Variants in CNTNAP4 observed in about 807,000 individuals in gnomAD.
CNTNAP4 encodes contactin-associated protein-like 4.
A neutral mutation model predicts 148.4 loss-of-function variants in CNTNAP4; 98 were observed. The ratio of observed to expected loss-of-function variants is 0.66; its 90% confidence interval spans 0.56 to 0.78. CNTNAP4 has a LOEUF of 0.78. Ranked by LOEUF, CNTNAP4 falls within the 30% of genes least tolerant of loss-of-function variation. The pLI is 0.00. For missense variants in CNTNAP4, 1,935 were observed against 1,565.6 expected, an observed-to-expected ratio of 1.24 and a Z score of -3.98; for synonymous variants, 730 against 565.1, an observed-to-expected ratio of 1.29 and a Z score of -4.14.
rs2081211099 is a variant in CNTNAP4 at position 76,467,396 on chromosome 16, G to C, written c.1528G>C (p.Gly510Arg). The C allele has an allele frequency of 6.2e-7, 1 of 1,613,772 alleles. No individual in the cohort carries two copies. The highest frequency in any genetic ancestry group is 1.3e-5 in the African/African-American group (1 of 74,924). Residue 510 changes from glycine (G) to arginine (R), a missense_variant, in exon 10 of 24, where the codon GGT becomes CGT. Coordinates refer to ENST00000611870, the MANE Select transcript of CNTNAP4 (RefSeq NM_033401.5). The stretch of plus-strand genomic sequence containing the variant: ...TGGATCCAAATGTAAAAGTCCACTT[G>C]GTGGATTTCAGGGATGTATGAGGCT... ...SFGSKCKSPL[G>R]GFQGCMRLIS... is the part of the protein sequence containing the mutation.
At chr16:76,387,701 A>G (rs978139021) in intron 3 of CNTNAP4, among the ~76,000 whole-genome samples, 1 of 152,238 alleles carries the variant, frequency 6.6e-6, no homozygotes, top group Non-Finnish European at 1.5e-5. Flanking sequence ...TTTAAAAACC[A>G]TTGAACATGG....
At chr16:76,314,934 T>C (rs368505450) in intron 1 of CNTNAP4, among the ~76,000 whole-genome samples, 19 of 152,314 alleles carry the variant, frequency 1.2e-4, no homozygotes, top group Middle Eastern at 3.4e-3. Context: ...TTTAAACTCA[T>C]ATATGTCCCT....
At position 76,538,295 on chromosome 16, in the gene CNTNAP4, A is replaced by C. The variant is rs745996265; in HGVS notation, c.3175A>C (p.Ser1059Arg). ...AACACCAAGCTTGCTGCTTTTTGTG[A>C]GCTCCTTTTACAAAGAATACCTTTC... Reference protein sequence around the residue: ...TRTPSLLLFVSSFYKEYLSVI... With the variant: ...TRTPSLLLFVRSFYKEYLSVI... The change falls in exon 19 of 24, where the codon AGC becomes CGC. Residue 1059 changes from serine to arginine, a missense_variant. Coordinates refer to ENST00000611870, the MANE Select transcript of CNTNAP4 (RefSeq NM_033401.5). The C allele has an allele frequency of 6.2e-7, 1 of 1,607,210 alleles. No individual in the cohort carries two copies. Among genetic ancestry groups the C allele is most frequent in the East Asian group, 2.3e-5 (1 of 44,224 alleles).
Position 76,498,610 on chromosome 16 carries a change from GT to G in CNTNAP4, c.2282del (p.Val761GlufsTer5). 6.2e-7 allele frequency: 1 copy of G among 1,612,564 alleles called. No homozygotes were observed. The highest frequency in any genetic ancestry group is 8.5e-7 in the Non-Finnish European group (1 of 1,179,180). The stretch of plus-strand genomic sequence containing the variant: ...GCTTGCTTATAAAGAACATCTTCCA[GT>G]AACTAAGATCGTGATTACAGACACA... Reference protein sequence around the residue: ...GLLAYKEHLPVTKIVITDTGR... With the variant: ...GLLAYKEHLPXTKIVITDTGR... On this transcript the variant is annotated frameshift_variant, in exon 15 of 24. Transcript: ENST00000611870. LOFTEE classifies it high-confidence loss of function.
chr16:76,396,164 G>A (rs1416627458), intron 3 of CNTNAP4, among the ~76,000 whole-genome samples: 1 of 152,190 alleles, frequency 6.6e-6, no homozygotes, highest in Non-Finnish European at 1.5e-5. Flanking sequence ...TCCAAATTTT[G>A]CTTTGTTAGA....
intron 17 of CNTNAP4, among the ~76,000 whole-genome samples, chr16:76,527,148 ATCT>A (rs2083773218): frequency 6.6e-6 from 1 of 152,138 alleles, no homozygotes; most frequent in Admixed American, 6.6e-5. Context: ...AAAATATTTA[ATCT>A]TCTTCCTCTC....
At chr16:76,390,426 G>A (rs930279432) in intron 3 of CNTNAP4, among the ~76,000 whole-genome samples, 1 of 152,114 alleles carries the variant, frequency 6.6e-6, no homozygotes, top group Non-Finnish European at 1.5e-5. Context: ...CCTTTTGCCA[G>A]GACACTTGTC....
chr16:76,490,839 A>C (rs898880760), intron 13 of CNTNAP4, among the ~76,000 whole-genome samples: 6 of 151,988 alleles, frequency 3.9e-5, no homozygotes, highest in African/African-American at 1.2e-4. Flanking sequence ...ATTGAGGTGT[A>C]TTTTTCTTTA....
At chr16:76,500,188 CCCCCCACCT>C (rs1010164754) in intron 15 of CNTNAP4, among the ~76,000 whole-genome samples, 1 of 151,648 alleles carries the variant, frequency 6.6e-6, no homozygotes, top group African/African-American at 2.4e-5. Context: ...GCGGGGGCTG[CCCCCCACCT>C]CCCTCCCGGA....
chr16:76,512,585 C>G (rs541376368), intron 15 of CNTNAP4, among the ~76,000 whole-genome samples: 5 of 151,950 alleles, frequency 3.3e-5, no homozygotes, highest in African/African-American at 1.2e-4. Flanking sequence ...ATATAAAGAG[C>G]CCAGTTTTAG....
rs370296208 is a variant in CNTNAP4, at chr16:76,316,510, G to C, written c.183G>C (p.Leu61=). 2 of 1,611,208 alleles carry C rather than the reference G, an allele frequency of 1.2e-6. No homozygotes were observed. Among genetic ancestry groups the C allele is most frequent in the Non-Finnish European group, 8.5e-7 (1 of 1,177,562 alleles). Residue 61 remains leucine, a synonymous_variant, in exon 2 of 24, where the codon CTG becomes CTC. Transcript: ENST00000611870. ...SSSHGPGFAR[L]NRRDGAGGWS... ...GTCATGGTCCTGGATTTGCAAGGCT[G>C]AATAGAAGAGATGGTAAGTCTGCTT...
chr16:76,542,723 A>G (rs74025044), intron 21 of CNTNAP4, among the ~76,000 whole-genome samples: 13,180 of 152,212 alleles, frequency 0.087, 888 homozygotes, highest in African/African-American at 0.18. Flanking sequence ...TACCTGCCAC[A>G]TAACTATTGT....
chr16:76,559,190 C>T lies in CNTNAP4; in HGVS notation c.*507C>T, dbSNP rs1660664449. 1 of 152,242 alleles carries T rather than the reference C, an allele frequency of 6.6e-6. No homozygotes were observed. Among genetic ancestry groups the T allele is most frequent in the South Asian group, 2.1e-4 (1 of 4,830 alleles). The allele number at this position is 152,242 out of a possible 1,614,324, so 9.4% of individuals were successfully genotyped here. ...CACAAGCATAATAAAGCCCCTTTGC[C>T]TTTCTCTGTATTATATTCAATACAA... On this transcript the variant is annotated 3_prime_UTR_variant, in exon 24 of 24. Coordinates refer to ENST00000611870, the MANE Select transcript of CNTNAP4 (RefSeq NM_033401.5).
intron 21 of CNTNAP4, among the ~76,000 whole-genome samples, chr16:76,552,273 G>A (rs1274271495): frequency 6.6e-6 from 1 of 152,172 alleles, no homozygotes; most frequent in Non-Finnish European, 1.5e-5. Context: ...TCCCTCCCTT[G>A]ACACGTGGGG....
At chr16:76,414,063 T>C (rs2078895343) in intron 3 of CNTNAP4, among the ~76,000 whole-genome samples, 1 of 151,334 alleles carries the variant, frequency 6.6e-6, no homozygotes, top group Admixed American at 6.6e-5. Flanking sequence ...TCTTGCCTTA[T>C]TACACTAACT....
At chr16:76,492,647 C>G (rs1364859343) in intron 13 of CNTNAP4, among the ~76,000 whole-genome samples, 1 of 152,106 alleles carries the variant, frequency 6.6e-6, no homozygotes, top group Non-Finnish European at 1.5e-5. Context: ...GCAGTTTCCT[C>G]CATACTGTTC....
intron 17 of CNTNAP4, among the ~76,000 whole-genome samples, chr16:76,525,714 ATATACAATATATATAAAC>A (rs2083699190): frequency 7.5e-6 from 1 of 133,726 alleles, no homozygotes; most frequent in East Asian, 2.2e-4. Context: ...ATAAACTATT[ATATACAATATATATAAAC>A]TATATATTGT....
intron 17 of CNTNAP4, among the ~76,000 whole-genome samples, chr16:76,522,852 C>T (rs2083548262): frequency 6.6e-6 from 1 of 150,762 alleles, no homozygotes; most frequent in African/African-American, 2.4e-5. Flanking sequence ...AACCTCCGCC[C>T]CCAGGGTTCT....
chr16:76,474,817 A>G (rs2081505246), intron 10 of CNTNAP4, among the ~76,000 whole-genome samples: 1 of 152,224 alleles, frequency 6.6e-6, no homozygotes. Flanking sequence ...CTAGCAATGT[A>G]TCCCTAACCT....
Sources: allele counts gnomAD v4.1 joint callset (sites outside exome capture counted in the v4.1 genomes callset), GRCh38; gene constraint gnomAD v4.1.1; transcripts MANE v1.5; gene names NCBI Gene and HGNC (gene_info 2026-07-23, HGNC 2026-07-21).